The following TSPAN18 variants were observed in gnomAD, a reference collection of about 807,000 sequenced individuals.
The protein encoded by TSPAN18 is tetraspanin 18, also known as tetraspanin-18.
TSPAN18 carries 14 observed loss-of-function variants against 27.3 expected under a neutral mutation model. The observed-to-expected ratio is 0.51, with a 90% CI of 0.34 to 0.80. TSPAN18 has a LOEUF of 0.80. TSPAN18 is among the 30% of genes least tolerant of loss of function. TSPAN18 has a pLI of 0.01. For missense variants in TSPAN18, 268 were observed against 323.9 expected (o/e 0.83, Z 1.32); for synonymous variants, 143 against 136.5 (o/e 1.05, Z -0.33).
chr11:44,881,356 G>A (rs902027021), intron 3 of TSPAN18, among the ~76,000 whole-genome samples: 3 of 152,234 alleles, frequency 2.0e-5, no homozygotes, highest in South Asian at 2.1e-4. Context: ...AACCTCAGCC[G>A]CCGCCCCTGA....
intron 2 of TSPAN18, among the ~76,000 whole-genome samples, chr11:44,845,190 T>C (rs1346904239): frequency 1.3e-5 from 2 of 152,184 alleles, no homozygotes; most frequent in Non-Finnish European, 2.9e-5. Flanking sequence ...AGTCCTGCAT[T>C]TGGGCATTCA....
At chr11:44,801,636 G>A (rs1856482320) in intron 2 of TSPAN18, among the ~76,000 whole-genome samples, 1 of 152,228 alleles carries the variant, frequency 6.6e-6, no homozygotes, top group Admixed American at 6.5e-5. Flanking sequence ...AAGACAGAAG[G>A]AAACTGCCTC....
At chr11:44,890,522 G>A (rs1858810082) in intron 3 of TSPAN18, among the ~76,000 whole-genome samples, 1 of 151,964 alleles carries the variant, frequency 6.6e-6, no homozygotes, top group African/African-American at 2.4e-5. Flanking sequence ...AGGAGATCGA[G>A]ACCATCCTGG....
At chr11:44,911,300 G>A (rs1270176755) in intron 5 of TSPAN18, among the ~76,000 whole-genome samples, 1 of 152,100 alleles carries the variant, frequency 6.6e-6, no homozygotes. Flanking sequence ...CACCAGCAGT[G>A]CTGGGAGGAG....
intron 2 of TSPAN18, among the ~76,000 whole-genome samples, chr11:44,859,169 T>C (rs1857812812): frequency 2.0e-5 from 3 of 152,280 alleles, no homozygotes; most frequent in South Asian, 4.1e-4. Flanking sequence ...CACGCAGGTC[T>C]CTGAGACGCA....
rs1243051196 is a variant in TSPAN18 at position 44,815,427 on chromosome 11, G to T, written c.-152-44901G>T. On this transcript the variant is annotated intron_variant, in intron 2 of 9. Coordinates refer to ENST00000520358, the MANE Select transcript of TSPAN18 (RefSeq NM_130783.5). Reference sequence around the variant, plus strand: ...CTTCCTCAGGGGTGGCTGGACTGTGGGCCGGATGGGGGCACCCTCAGGGTT... The same window carrying T: ...CTTCCTCAGGGGTGGCTGGACTGTGTGCCGGATGGGGGCACCCTCAGGGTT... Among the ~76,000 whole-genome samples, 5 of 152,182 alleles carry T rather than the reference G, an allele frequency of 3.3e-5. No homozygotes were observed. In the East Asian group the frequency reaches 9.6e-4, roughly 29 times the overall value.
At chr11:44,828,336 C>A (rs1410435361) in intron 2 of TSPAN18, among the ~76,000 whole-genome samples, 6 of 151,652 alleles carry the variant, frequency 4.0e-5, no homozygotes, top group Non-Finnish European at 8.8e-5. Context: ...TAAACAACAA[C>A]AACAAAAAAA....
At chr11:44,787,601 G>C (rs7941263) in intron 2 of TSPAN18, among the ~76,000 whole-genome samples, 96,062 of 152,142 alleles carry the variant, frequency 0.63, 33,210 homozygotes, top group South Asian at 0.81. Flanking sequence ...TATCTGTATA[G>C]TGTAAATAAT....
chr11:44,743,257 C>T (rs1373988437), intron 1 of TSPAN18, among the ~76,000 whole-genome samples: 5 of 152,104 alleles, frequency 3.3e-5, no homozygotes, highest in Non-Finnish European at 5.9e-5. Context: ...CCAAGGTTTG[C>T]GTCAGGAAAA....
intron 2 of TSPAN18, among the ~76,000 whole-genome samples, chr11:44,803,173 G>T (rs1236217841): frequency 6.6e-6 from 1 of 152,190 alleles, no homozygotes; most frequent in Non-Finnish European, 1.5e-5. Flanking sequence ...TGTAAACAGG[G>T]CAGGAGCAAA....
intron 2 of TSPAN18, among the ~76,000 whole-genome samples, chr11:44,805,561 G>A (rs1856574219): frequency 6.6e-6 from 1 of 152,162 alleles, no homozygotes; most frequent in Non-Finnish European, 1.5e-5. Context: ...TTTGCTAATA[G>A]TGGGATCTCA....
At chr11:44,853,569 T>G (rs1857655358) in intron 2 of TSPAN18, among the ~76,000 whole-genome samples, 2 of 152,164 alleles carry the variant, frequency 1.3e-5, no homozygotes, top group South Asian at 4.1e-4. Flanking sequence ...CGTCTCCGTC[T>G]TACACTTGGG....
intron 3 of TSPAN18, among the ~76,000 whole-genome samples, chr11:44,883,268 C>T (rs1012758529): frequency 6.6e-6 from 1 of 152,184 alleles, no homozygotes; most frequent in Non-Finnish European, 1.5e-5. Flanking sequence ...ATATTCAGAC[C>T]ACCATTTCCA....
chr11:44,765,467 A>G (rs534694816), intron 2 of TSPAN18, among the ~76,000 whole-genome samples: 1 of 152,324 alleles, frequency 6.6e-6, no homozygotes, highest in South Asian at 2.1e-4. Context: ...GCCTATCAGA[A>G]GAGAAACCAG....
chr11:44,910,998 G>T, intron 5 of TSPAN18, among the ~76,000 whole-genome samples: 1 of 152,190 alleles, frequency 6.6e-6, no homozygotes, highest in South Asian at 2.1e-4. Flanking sequence ...GGGTCTTCTC[G>T]TTCTCGAGTC....
rs552243692 is a variant in TSPAN18, at chr11:44,795,397, A to G, written c.-153+30885A>G. Reference sequence around the variant, plus strand: ...GATCCAAGGTCCCACTGCCTGCCCCAGTCATGGTAAGCCAGATGATTTCTC... The same window carrying G: ...GATCCAAGGTCCCACTGCCTGCCCCGGTCATGGTAAGCCAGATGATTTCTC... On this transcript the variant is annotated intron_variant, in intron 2 of 9. Transcript: ENST00000520358. Among the ~76,000 whole-genome samples, 183 of 152,240 alleles carry G rather than the reference A, an allele frequency of 1.2e-3. 1 individual carries two copies. The highest frequency in any genetic ancestry group is 2.1e-3 in the Non-Finnish European group (140 of 68,006).
chr11:44,806,346 C>T (rs1301394691), intron 2 of TSPAN18, among the ~76,000 whole-genome samples: 1 of 152,132 alleles, frequency 6.6e-6, no homozygotes, highest in Non-Finnish European at 1.5e-5. Context: ...ATATTTAAAG[C>T]ATTGTTATAC....
intron 3 of TSPAN18, among the ~76,000 whole-genome samples, chr11:44,885,504 A>C (rs1858618697): frequency 6.6e-6 from 1 of 151,738 alleles, no homozygotes; most frequent in Admixed American, 6.6e-5. Flanking sequence ...CCTCTGTGGA[A>C]GGATGAGGCA....
intron 2 of TSPAN18, among the ~76,000 whole-genome samples, chr11:44,818,790 A>G (rs1029704826): frequency 1.3e-5 from 2 of 152,200 alleles, no homozygotes; most frequent in Non-Finnish European, 2.9e-5. Context: ...ATGATATAAC[A>G]TGTCCTAGAT....
Sources: allele counts gnomAD v4.1 joint callset (sites outside exome capture counted in the v4.1 genomes callset), GRCh38; gene constraint gnomAD v4.1.1; transcripts MANE v1.5; gene names NCBI Gene and HGNC (gene_info 2026-07-23, HGNC 2026-07-21).